The following UBTD2 variants were observed in gnomAD, a reference collection of about 807,000 sequenced individuals.
UBTD2 encodes the protein ubiquitin domain-containing protein 2.
In UBTD2, 9 loss-of-function variants were observed where a neutral mutation model predicts 19.8. The ratio of observed to expected loss-of-function variants is 0.46; its 90% CI spans 0.27 to 0.79. The LOEUF (loss-of-function observed/expected upper bound fraction) is 0.79. UBTD2 is among the 30% of genes least tolerant of loss of function. The pLI is 0.14. For synonymous variants in UBTD2, 98 were observed against 103.9 expected (o/e 0.94, Z 0.35); for missense variants, 250 against 300.4 (o/e 0.83, Z 1.24).
chr5:172,229,859 C>A (rs10491493), intron 2 of UBTD2, among the ~76,000 whole-genome samples: 3 of 151,848 alleles, frequency 2.0e-5, no homozygotes, highest in Non-Finnish European at 2.9e-5. Flanking sequence ...CTGTTTATAC[C>A]AATTTGGCAA....
At chr5:172,270,205 C>G (rs1450485216) in intron 1 of UBTD2, among the ~76,000 whole-genome samples, 2 of 151,772 alleles carry the variant, frequency 1.3e-5, no homozygotes, top group Non-Finnish European at 2.9e-5. Flanking sequence ...CTCAGTCTCA[C>G]CAGTAGCTGG....
intron 1 of UBTD2, among the ~76,000 whole-genome samples, chr5:172,263,269 C>T (rs969034294): frequency 1.3e-5 from 2 of 152,114 alleles, no homozygotes; most frequent in African/African-American, 4.8e-5. Context: ...GCTTATAAAT[C>T]ACTGTTGAGA....
chr5:172,259,465 A>C (rs1346223016), intron 1 of UBTD2, among the ~76,000 whole-genome samples: 1 of 152,072 alleles, frequency 6.6e-6, no homozygotes, highest in Non-Finnish European at 1.5e-5. Context: ...AAAAATGACT[A>C]TAATTATAGT....
intron 1 of UBTD2, among the ~76,000 whole-genome samples, chr5:172,253,577 C>T (rs1755073163): frequency 6.6e-6 from 1 of 152,034 alleles, no homozygotes; most frequent in African/African-American, 2.4e-5. Flanking sequence ...CCTTGGCCTC[C>T]CAAGTACCTG....
intron 1 of UBTD2, among the ~76,000 whole-genome samples, chr5:172,267,146 C>T (rs983722425): frequency 6.6e-6 from 1 of 151,948 alleles, no homozygotes; most frequent in Non-Finnish European, 1.5e-5. Flanking sequence ...CTTCAGAGAT[C>T]CATAAACACA....
At chr5:172,275,200 A>T (rs1755583020) in intron 1 of UBTD2, among the ~76,000 whole-genome samples, 1 of 152,214 alleles carries the variant, frequency 6.6e-6, no homozygotes, top group Admixed American at 6.5e-5. Flanking sequence ...GCCGAGCAAA[A>T]GCGGGGAAAG....
chr5:172,233,200 A>G (rs1303729421), intron 2 of UBTD2, among the ~76,000 whole-genome samples: 2 of 152,190 alleles, frequency 1.3e-5, no homozygotes, highest in Admixed American at 6.5e-5. Flanking sequence ...ATGGTTCAAC[A>G]ATGAAAGTCC....
chr5:172,256,513 C>T (rs980570613), intron 1 of UBTD2, among the ~76,000 whole-genome samples: 7 of 146,020 alleles, frequency 4.8e-5, no homozygotes, highest in Non-Finnish European at 8.9e-5. Flanking sequence ...ACTACAGGTG[C>T]ATGCCACCAT....
At chr5:172,278,938 C>T (rs1194891201) in intron 1 of UBTD2, among the ~76,000 whole-genome samples, 8 of 152,192 alleles carry the variant, frequency 5.3e-5, no homozygotes, top group Middle Eastern at 3.4e-3. Context: ...CCACCACACC[C>T]GGCTAATTTT....
chr5:172,263,200 G>C (rs1755308083), intron 1 of UBTD2, among the ~76,000 whole-genome samples: 1 of 152,060 alleles, frequency 6.6e-6, no homozygotes, highest in Non-Finnish European at 1.5e-5. Flanking sequence ...CAAAGTGCTA[G>C]GATTACAGGT....
chr5:172,269,114 ATTTG>A (rs933434796), intron 1 of UBTD2, among the ~76,000 whole-genome samples: 68 of 152,184 alleles, frequency 4.5e-4, no homozygotes, highest in African/African-American at 1.6e-3. Context: ...ACAAAATATC[ATTTG>A]TTTAATATAG....
chr5:172,254,974 G>A, intron 1 of UBTD2: 1 of 565,768 alleles, frequency 1.8e-6, no homozygotes, highest in Non-Finnish European at 3.5e-6. Flanking sequence ...TGTACATAAA[G>A]GGGATGGGCT....
Position 172,212,183 on chromosome 5 carries a change from G to A in UBTD2, c.352C>T (p.Leu118Phe), listed in dbSNP as rs1309730628. 1 of 1,613,248 alleles carries A rather than the reference G, an allele frequency of 6.2e-7. No homozygotes were observed. The highest frequency in any genetic ancestry group is 8.5e-7 in the Non-Finnish European group (1 of 1,179,208). Residue 118 changes from leucine (L) to phenylalanine (F), a missense_variant, in exon 3 of 3, where the codon CTT (leucine) becomes TTT (phenylalanine). Coordinates refer to ENST00000393792, the MANE Select transcript of UBTD2 (RefSeq NM_152277.3). Reference sequence around the variant, plus strand: ...GGCGGTGCCAAGCAATACACTGGAAGCTGATATCTGTTCCCCAGTTCATCG... The same window carrying A: ...GGCGGTGCCAAGCAATACACTGGAAACTGATATCTGTTCCCCAGTTCATCG... ...CYDELGNRYQ[L>F]PVYCLAPPIN...
In UBTD2 at chr5:172,283,524, G is replaced by A; in HGVS notation, c.70+72C>T. 1 of 1,176,458 alleles carries A rather than the reference G, an allele frequency of 8.5e-7. No individual in the cohort carries two copies. The highest frequency in any genetic ancestry group is 1.1e-6 in the Non-Finnish European group (1 of 928,036). The allele number at this position is 1,176,458 out of a possible 1,614,324, so 72.9% of individuals were successfully genotyped here. ...GCGCGGGGGCCCGGCGCGGCCCGCGGGGGTCGGGACAGGTGGCCGGGCCTG... is the reference window on the plus strand; with the variant it reads ...GCGCGGGGGCCCGGCGCGGCCCGCGAGGGTCGGGACAGGTGGCCGGGCCTG... On this transcript the variant is annotated intron_variant, in intron 1 of 2. Coordinates refer to ENST00000393792, the MANE Select transcript of UBTD2 (RefSeq NM_152277.3). This position sits in a 1 kb window ranked among gnomAD's most constrained non-coding sequence, Gnocchi z 4.3.
chr5:172,225,446 T>G (rs1771746235), intron 2 of UBTD2, among the ~76,000 whole-genome samples: 1 of 152,220 alleles, frequency 6.6e-6, no homozygotes. Flanking sequence ...TCATTAGGAC[T>G]AATGCTTTAT....
chr5:172,251,465 CAAAAAAAAA>C (rs59810255), intron 1 of UBTD2, among the ~76,000 whole-genome samples: 1 of 91,958 alleles, frequency 1.1e-5, no homozygotes, highest in African/African-American at 4.1e-5. Context: ...TCAAACTGTC[CAAAAAAAAA>C]AAAAAAAAAA....
Position 172,238,314 on chromosome 5 carries a change from T to C in UBTD2, c.71-3956A>G, listed in dbSNP as rs1331203559. Reference sequence around the variant, plus strand: ...ATTTAAAGACAGGAAACATCTTTTATTCCCCAAATTTCTGCTTCTCTATCC... The same window carrying C: ...ATTTAAAGACAGGAAACATCTTTTACTCCCCAAATTTCTGCTTCTCTATCC... On this transcript the variant is annotated intron_variant, in intron 1 of 2. Coordinates refer to ENST00000393792, the MANE Select transcript of UBTD2 (RefSeq NM_152277.3). Among the ~76,000 whole-genome samples the C allele has an allele frequency of 1.3e-5, 2 of 152,200 alleles. 1 individual carries two copies. Among genetic ancestry groups the C allele is most frequent in the Admixed American group, 1.3e-4 (2 of 15,268 alleles).
At chr5:172,275,456 C>A (rs1196534662) in intron 1 of UBTD2, among the ~76,000 whole-genome samples, 1 of 152,178 alleles carries the variant, frequency 6.6e-6, no homozygotes, top group Non-Finnish European at 1.5e-5. Flanking sequence ...GTTCTAAATA[C>A]AACCAGATTA....
intron 2 of UBTD2, among the ~76,000 whole-genome samples, chr5:172,218,986 A>C (rs937213279): frequency 6.6e-6 from 1 of 152,050 alleles, no homozygotes; most frequent in African/African-American, 2.4e-5. Flanking sequence ...TGTTGAAAGG[A>C]TAATAAAAGA....
Sources: gnomAD v4.1 joint callset for allele counts (sites outside exome capture counted in the v4.1 genomes callset) on GRCh38, gnomAD v4.1.1 for gene constraint, Gnocchi (gnomAD v3.1) non-coding constraint, MANE v1.5 for transcripts, NCBI Gene and HGNC (gene_info 2026-07-23, HGNC 2026-07-21) for gene names.